LRRIQ3: variants seen among roughly 807,000 people sequenced by gnomAD.
The protein encoded by LRRIQ3 is leucine rich repeats and IQ motif containing 3.
A neutral mutation model predicts 59.3 loss-of-function variants in LRRIQ3; 75 were observed. The observed-to-expected ratio is 1.26, with a 90% CI of 1.05 to 1.53. The LOEUF is 1.53. Ranked by LOEUF, LRRIQ3 falls within the 40% of genes most tolerant of loss-of-function variation. The pLI is 0.00. For missense variants in LRRIQ3, 831 were observed against 710.0 expected (o/e 1.17, Z -1.94); for synonymous variants, 250 against 231.3 (o/e 1.08, Z -0.73).
chr1:74,180,704 C>T (rs373974647), intron 3 of LRRIQ3: 13 of 1,548,276 alleles, frequency 8.4e-6, no homozygotes, highest in East Asian at 2.4e-5. Flanking sequence ...TTGTTGAAAT[C>T]CCACCTCATG....
At chr1:74,134,755 C>A (rs1416642830) in intron 4 of LRRIQ3, among the ~76,000 whole-genome samples, 2 of 150,666 alleles carry the variant, frequency 1.3e-5, no homozygotes. Flanking sequence ...ACAAAAAACA[C>A]AGTAAAAAGC....
chr1:74,151,358 C>A (rs139655627), intron 4 of LRRIQ3, among the ~76,000 whole-genome samples: 6 of 152,138 alleles, frequency 3.9e-5, no homozygotes, highest in African/African-American at 1.2e-4. Context: ...TCTAATTTCT[C>A]CAGATTCCTT....
intron 4 of LRRIQ3, among the ~76,000 whole-genome samples, chr1:74,118,823 CT>C (rs1271472326): frequency 2.0e-5 from 3 of 152,100 alleles, no homozygotes; most frequent in Non-Finnish European, 4.4e-5. Flanking sequence ...TCAATTCCAA[CT>C]CTGCAGTCTC....
rs189053896 is a variant in LRRIQ3, at chr1:74,172,316, G to T, written c.573+10222C>A. ...AATTTTAGTAAGTTCATTTTCACTT[G>T]TATCAGTGTTTTATAATTTCTTTTG... On this transcript the variant is annotated intron_variant, in intron 3 of 7. Coordinates refer to ENST00000354431, the MANE Select transcript of LRRIQ3 (RefSeq NM_001105659.2). 1.6e-3 allele frequency among the ~76,000 whole-genome samples: 237 copies of T among 152,076 alleles called. 1 individual carries two copies. Among genetic ancestry groups the T allele is most frequent in the African/African-American group, 5.3e-3 (220 of 41,502 alleles).
chr1:74,184,892 C>T (rs1650256504), intron 1 of LRRIQ3, among the ~76,000 whole-genome samples: 1 of 152,166 alleles, frequency 6.6e-6, no homozygotes, highest in South Asian at 2.1e-4. Context: ...ATATACACAT[C>T]ATTTGGACTT....
At chr1:74,042,708 C>A (rs969002387) in intron 6 of LRRIQ3, among the ~76,000 whole-genome samples, 1 of 152,098 alleles carries the variant, frequency 6.6e-6, no homozygotes, top group African/African-American at 2.4e-5. Flanking sequence ...AAAATAGTAG[C>A]AGCCATCAAT....
Position 74,154,240 on chromosome 1 carries a change from C to CAAAAAAAA in LRRIQ3, c.707+1485_707+1492dup, listed in dbSNP as rs71078186. 2.0e-3 allele frequency among the ~76,000 whole-genome samples: 112 copies of CAAAAAAAA among 57,276 alleles called. 9 individuals are homozygous for CAAAAAAAA. The highest frequency in any genetic ancestry group is 2.5e-3 in the African/African-American group (35 of 13,728). The allele number at this position is 57,276 out of a possible 152,430, so 37.6% of individuals were successfully genotyped here. A position where few individuals can be genotyped will look rare whatever the true frequency, so the allele number is the denominator to read the frequency against. On this transcript the variant is annotated intron_variant, in intron 4 of 7. Transcript: ENST00000354431. Reference sequence around the variant, plus strand: ...TGGGCGACAGAGCGAGACTCCTTCTCAAAAAAAAAAAAAAAAAAAAAAAAA... The same window carrying CAAAAAAAA: ...TGGGCGACAGAGCGAGACTCCTTCTCAAAAAAAAAAAAAAAAAAAAAAAAAAAAAAAAA...
intron 3 of LRRIQ3, among the ~76,000 whole-genome samples, chr1:74,173,429 G>A (rs1184408169): frequency 6.6e-6 from 1 of 151,050 alleles, no homozygotes; most frequent in Admixed American, 6.6e-5. Flanking sequence ...TAGTTCTCTT[G>A]TTCTTCTTCT....
At chr1:74,143,247 T>A (rs186256781) in intron 4 of LRRIQ3, among the ~76,000 whole-genome samples, 1 of 152,132 alleles carries the variant, frequency 6.6e-6, no homozygotes, top group East Asian at 1.9e-4. Context: ...TATTTAATTA[T>A]GAAAATTGTT....
At chr1:74,123,284 C>A (rs1646888326) in intron 4 of LRRIQ3, among the ~76,000 whole-genome samples, 1 of 151,912 alleles carries the variant, frequency 6.6e-6, no homozygotes, top group Non-Finnish European at 1.5e-5. Flanking sequence ...AAGCATTTAT[C>A]CTTTCTTTGT....
At chr1:74,172,276 G>T (rs1047151334) in intron 3 of LRRIQ3, among the ~76,000 whole-genome samples, 4 of 151,924 alleles carry the variant, frequency 2.6e-5, no homozygotes, top group Non-Finnish European at 5.9e-5. Flanking sequence ...AGTTTTGGTA[G>T]GTTGTGTTTT....
intron 7 of LRRIQ3, among the ~76,000 whole-genome samples, chr1:74,040,675 A>G (rs779574877): frequency 3.9e-5 from 6 of 152,132 alleles, no homozygotes; most frequent in Non-Finnish European, 7.4e-5. Context: ...ATTGAACAAC[A>G]TGCTCCTGAA....
intron 3 of LRRIQ3, among the ~76,000 whole-genome samples, chr1:74,176,637 C>T (rs951286541): frequency 3.5e-4 from 11 of 31,738 alleles, no homozygotes; most frequent in South Asian, 2.1e-3. Flanking sequence ...ATGTTCATTT[C>T]TCAGTATTTT....
intron 3 of LRRIQ3, among the ~76,000 whole-genome samples, chr1:74,177,728 T>C (rs1478392996): frequency 1.3e-5 from 2 of 151,970 alleles, no homozygotes; most frequent in Non-Finnish European, 2.9e-5. Context: ...AATATGTTTA[T>C]TACAGATCAT....
chr1:74,114,356 A>C (rs1043316396), intron 4 of LRRIQ3, among the ~76,000 whole-genome samples: 2 of 152,124 alleles, frequency 1.3e-5, no homozygotes, highest in African/African-American at 4.8e-5. Context: ...GGGAAAGGGA[A>C]TAATGCTATA....
chr1:74,028,769 A>G (rs1033239508), intron 7 of LRRIQ3, among the ~76,000 whole-genome samples: 4 of 151,998 alleles, frequency 2.6e-5, no homozygotes, highest in South Asian at 2.1e-4. Flanking sequence ...TAGGAAGTAA[A>G]TAAACTAACA....
chr1:74,054,124 C>T (rs1233507519), intron 6 of LRRIQ3, among the ~76,000 whole-genome samples: 1 of 151,876 alleles, frequency 6.6e-6, no homozygotes, highest in Non-Finnish European at 1.5e-5. Context: ...ATGGAAACTA[C>T]CAAATATACT....
rs184657269 is a variant in LRRIQ3 at position 74,091,906 on chromosome 1, C to T, written c.868-17116G>A. Among the ~76,000 whole-genome samples the T allele has an allele frequency of 3.6e-3, 549 of 152,134 alleles. 1 individual carries two copies. The highest frequency in any genetic ancestry group is 9.1e-3 in the Admixed American group (139 of 15,242). On this transcript the variant is annotated intron_variant, in intron 5 of 7. Coordinates refer to ENST00000354431, the MANE Select transcript of LRRIQ3 (RefSeq NM_001105659.2). ...ATATTTGTTCTTTAATATTCGTTTA[C>T]CTTTGTTTTCATAATAGAATCTCTG... is the stretch of plus-strand genomic sequence containing the variant.
intron 1 of LRRIQ3, among the ~76,000 whole-genome samples, chr1:74,184,214 T>G (rs745472652): frequency 6.6e-6 from 1 of 152,106 alleles, no homozygotes; most frequent in Non-Finnish European, 1.5e-5. Context: ...CAGAGAAAAT[T>G]TGTTGTCAAA....
Sources: allele counts gnomAD v4.1 joint callset (sites outside exome capture counted in the v4.1 genomes callset), GRCh38; gene constraint gnomAD v4.1.1; transcripts MANE v1.5; gene names NCBI Gene and HGNC (gene_info 2026-07-23, HGNC 2026-07-21).